ATP6V1E2: variants seen among roughly 807,000 people sequenced by gnomAD.
ATP6V1E2 encodes the protein V-type proton ATPase subunit E 2.
For missense variants in ATP6V1E2, 308 were observed against 273.3 expected (o/e 1.13, Z -0.90); for synonymous variants, 121 against 104.2 (o/e 1.16, Z -0.98).
intron 4 of ATP6V1E2, among the ~76,000 whole-genome samples, chr2:46,514,969 G>C (rs1007949592): frequency 2.6e-5 from 4 of 151,936 alleles, no homozygotes; most frequent in African/African-American, 9.7e-5. Flanking sequence ...ACAGGAAAGA[G>C]TAAGATGATA....
chr2:46,529,292 A>G lies in ATP6V1E2; in HGVS notation c.-102+6521T>C, dbSNP rs41395646. ...TTTGCTGTTAGACACAGCTCAACCT[A>G]TAATGCAGGGAAGGTACTGGTTTGC... On this transcript the variant is annotated intron_variant, in intron 4 of 4. Transcript: ENST00000522587. 9.8e-3 allele frequency among the ~76,000 whole-genome samples: 1,499 copies of G among 152,316 alleles called. 21 individuals are homozygous for G. Among genetic ancestry groups the G allele is most frequent in the African/African-American group, 0.033 (1,369 of 41,568 alleles).
intron 4 of ATP6V1E2, among the ~76,000 whole-genome samples, chr2:46,513,448 C>T (rs985339619): frequency 1.4e-4 from 21 of 152,166 alleles, no homozygotes; most frequent in Admixed American, 9.2e-4. Context: ...TGGTCTATAG[C>T]GTTGTTCAAG....
chr2:46,514,350 A>C (rs893698314), intron 4 of ATP6V1E2, among the ~76,000 whole-genome samples: 1 of 152,134 alleles, frequency 6.6e-6, no homozygotes, highest in South Asian at 2.1e-4. Context: ...CCCTACACCT[A>C]CTGAATCAGA....
At position 46,525,472 on chromosome 2, in the gene ATP6V1E2, AAAAAG is replaced by A. The variant is rs1195135263; in HGVS notation, c.-102+10336_-102+10340del. On this transcript the variant is annotated intron_variant, in intron 4 of 4. Transcript: ENST00000522587. ...ACGAGACTCCGTCTCAAAAAAAAAA[AAAAAG>A]AAAAAAAAAAAAGAAAGCAGGGACA... Among the ~76,000 whole-genome samples, 81 of 122,206 alleles carry A rather than the reference AAAAAG, an allele frequency of 6.6e-4. 2 individuals are homozygous for A. Among genetic ancestry groups the A allele is most frequent in the African/African-American group, 2.4e-3 (72 of 29,748 alleles). 80.2% of individuals were successfully genotyped at this position (122,206 alleles called of 152,430 possible).
chr2:46,526,606 C>G (rs1318285548), intron 4 of ATP6V1E2, among the ~76,000 whole-genome samples: 11 of 152,216 alleles, frequency 7.2e-5, no homozygotes, highest in Admixed American at 5.2e-4. Flanking sequence ...TTTGAGTACT[C>G]CAGGTACCTC....
rs1474278097 is a variant in ATP6V1E2 at position 46,512,750 on chromosome 2, C to T, written c.-39G>A. 2 of 1,552,594 alleles carry T rather than the reference C, an allele frequency of 1.3e-6. No homozygotes were observed. The highest frequency in any genetic ancestry group is 8.7e-7 in the Non-Finnish European group (1 of 1,149,836). ...GGGGACGGCAGAGAGGGAGCTCGTA[C>T]ACCGTTTGGCTCCTTTGACTTAGGA... On this transcript the variant is annotated 5_prime_UTR_variant, in exon 5 of 5. Transcript: ENST00000522587.
chr2:46,538,103 T>C (rs1276008024), intron 2 of ATP6V1E2, among the ~76,000 whole-genome samples: 1 of 152,172 alleles, frequency 6.6e-6, no homozygotes, highest in African/African-American at 2.4e-5. Flanking sequence ...GATTCCATCA[T>C]CCAAATCTCC....
chr2:46,518,758 T>TTGTGTGTG (rs70940621), intron 4 of ATP6V1E2, among the ~76,000 whole-genome samples: 2,720 of 140,420 alleles, frequency 0.019, 56 homozygotes, highest in Non-Finnish European at 0.028. Flanking sequence ...CAAGTCAATT[T>TTGTGTGTG]TGTGTGTGTG....
At position 46,512,732 on chromosome 2, in the gene ATP6V1E2, G is replaced by T; in HGVS notation, c.-21C>A. The stretch of plus-strand genomic sequence containing the variant: ...GCCATGGCTGCTCTCAGAGGGGACG[G>T]CAGAGAGGGAGCTCGTACACCGTTT... On this transcript the variant is annotated 5_prime_UTR_variant, in exon 5 of 5. It introduces an in-frame stop codon into an upstream open reading frame of the 5' UTR. Coordinates refer to ENST00000522587, the MANE Select transcript of ATP6V1E2 (RefSeq NM_001318063.2). 1 of 1,590,710 alleles carries T rather than the reference G, an allele frequency of 6.3e-7. No individual in the cohort carries two copies. The highest frequency in any genetic ancestry group is 1.3e-5 in the African/African-American group (1 of 74,186).
intron 2 of ATP6V1E2, among the ~76,000 whole-genome samples, chr2:46,538,237 C>T (rs1667548325): frequency 1.3e-5 from 2 of 152,164 alleles, no homozygotes; most frequent in Non-Finnish European, 2.9e-5. Context: ...CTATGAGTCT[C>T]AGAGTGACCT....
intron 4 of ATP6V1E2, among the ~76,000 whole-genome samples, chr2:46,516,322 C>T (rs1435527354): frequency 2.0e-5 from 3 of 152,154 alleles, no homozygotes; most frequent in Admixed American, 2.0e-4. Context: ...TGAAATCACA[C>T]CAGGTATCTT....
At chr2:46,524,841 G>A (rs1666814054) in intron 4 of ATP6V1E2, among the ~76,000 whole-genome samples, 1 of 152,198 alleles carries the variant, frequency 6.6e-6, no homozygotes, top group African/African-American at 2.4e-5. Flanking sequence ...AGAGGACAAT[G>A]TCTAGAAAGA....
At chr2:46,531,088 G>C (rs1667160445) in intron 4 of ATP6V1E2, among the ~76,000 whole-genome samples, 1 of 152,176 alleles carries the variant, frequency 6.6e-6, no homozygotes, top group African/African-American at 2.4e-5. Context: ...ACATTCACAA[G>C]GTTGTACAAC....
intron 4 of ATP6V1E2, among the ~76,000 whole-genome samples, chr2:46,526,669 G>A (rs1201490881): frequency 1.3e-5 from 2 of 152,124 alleles, no homozygotes; most frequent in Non-Finnish European, 2.9e-5. Flanking sequence ...ATTTCACTTA[G>A]TATGATGTCT....
At chr2:46,539,477 C>T (rs759282326) in intron 2 of ATP6V1E2, among the ~76,000 whole-genome samples, 2 of 152,224 alleles carry the variant, frequency 1.3e-5, no homozygotes, top group African/African-American at 4.8e-5. Context: ...TGAGCTGGGA[C>T]CATGCCTTTG....
intron 2 of ATP6V1E2, among the ~76,000 whole-genome samples, chr2:46,540,361 C>T (rs776498711): frequency 2.0e-4 from 29 of 148,124 alleles, no homozygotes; most frequent in Non-Finnish European, 3.4e-4. Context: ...GCAGAGGTTG[C>T]AGTGAGCCAA....
At chr2:46,517,791 T>TA in intron 4 of ATP6V1E2, among the ~76,000 whole-genome samples, 1 of 152,310 alleles carries the variant, frequency 6.6e-6, no homozygotes, top group Middle Eastern at 3.4e-3. Context: ...CACAATGAGA[T>TA]ATCACTTTAC....
At chr2:46,520,422 C>G (rs1255421346) in intron 4 of ATP6V1E2, among the ~76,000 whole-genome samples, 1 of 152,246 alleles carries the variant, frequency 6.6e-6, no homozygotes, top group African/African-American at 2.4e-5. Flanking sequence ...GGTGGATGCT[C>G]TAAGTGGCAC....
intron 4 of ATP6V1E2, among the ~76,000 whole-genome samples, chr2:46,533,728 T>C (rs1667304492): frequency 6.6e-6 from 1 of 152,264 alleles, no homozygotes; most frequent in Non-Finnish European, 1.5e-5. Flanking sequence ...CTTTATTTTG[T>C]ATTTCTTGTA....
Sources: allele counts gnomAD v4.1 joint callset (sites outside exome capture counted in the v4.1 genomes callset), GRCh38; gene constraint gnomAD v4.1.1; transcripts MANE v1.5; gene names NCBI Gene and HGNC (gene_info 2026-07-23, HGNC 2026-07-21).